SCML4: variants seen among roughly 807,000 people sequenced by gnomAD.
The protein encoded by SCML4 is Scm polycomb group protein like 4.
SCML4 carries 34 observed loss-of-function variants against 41.1 expected under a neutral mutation model. That is an observed-to-expected ratio of 0.83 (90% CI 0.63 to 1.10). SCML4 has a LOEUF of 1.10. SCML4 is among the 50% of genes least tolerant of loss of function. The probability of loss-of-function intolerance (pLI) is 0.00; values close to 1 mark genes in which losing one functional copy is unlikely to be tolerated. For synonymous variants in SCML4, 214 were observed against 220.9 expected, an observed-to-expected ratio of 0.97 and a Z score of 0.28; for missense variants, 522 against 534.1, an observed-to-expected ratio of 0.98 and a Z score of 0.22.
At chr6:107,770,372 G>A (rs1780421549) in intron 2 of SCML4, among the ~76,000 whole-genome samples, 1 of 152,108 alleles carries the variant, frequency 6.6e-6, no homozygotes, top group Non-Finnish European at 1.5e-5. Context: ...TTTTTCTTAT[G>A]TCACCACGGA....
Position 107,704,513 on chromosome 6 carries a change from A to T in SCML4, c.*687T>A, listed in dbSNP as rs1773422375. On this transcript the variant is annotated 3_prime_UTR_variant, in exon 8 of 8. Transcript: ENST00000369020. ...TTTCTGTGTGGGCTAGATCTTGTTC[A>T]CAGACACCCTAACCCATCCACTCAG... 6.6e-6 allele frequency: 1 copy of T among 152,312 alleles called. No individual in the cohort carries two copies. Among genetic ancestry groups the T allele is most frequent in the South Asian group, 2.1e-4 (1 of 4,838 alleles). The allele number at this position is 152,312 out of a possible 1,614,324, so 9.4% of individuals were successfully genotyped here.
chr6:107,762,299 A>G (rs74508676), intron 2 of SCML4, among the ~76,000 whole-genome samples: 24,235 of 152,134 alleles, frequency 0.16, 2,129 homozygotes, highest in Middle Eastern at 0.21. Context: ...AATAACTCAA[A>G]AGGAAGGCAG....
intron 1 of SCML4, among the ~76,000 whole-genome samples, chr6:107,802,836 C>T (rs1783314846): frequency 6.6e-6 from 1 of 151,840 alleles, no homozygotes; most frequent in South Asian, 2.1e-4. Context: ...CTCACTGCAA[C>T]CTCCCTGCCT....
At chr6:107,839,324 A>T in the SCML4 span, among the ~76,000 whole-genome samples, 2 of 58,580 alleles carry the variant, frequency 3.4e-5, no homozygotes. Context: ...GAGAGGAAAG[A>T]AAGAAAGAGA....
chr6:107,771,433 CCTCT>C (rs896877313), intron 2 of SCML4, among the ~76,000 whole-genome samples: 1 of 152,052 alleles, frequency 6.6e-6, no homozygotes, highest in Admixed American at 6.5e-5. Flanking sequence ...ACATTTTTTT[CCTCT>C]CTAATAGCCT....
intron 1 of SCML4, among the ~76,000 whole-genome samples, chr6:107,808,823 T>C (rs1783940513): frequency 6.6e-6 from 1 of 152,230 alleles, no homozygotes; most frequent in Non-Finnish European, 1.5e-5. Flanking sequence ...AAGAATATTT[T>C]AATAATTAAG....
At chr6:107,807,806 C>T (rs1391077012) in intron 1 of SCML4, among the ~76,000 whole-genome samples, 1 of 152,218 alleles carries the variant, frequency 6.6e-6, no homozygotes, top group Non-Finnish European at 1.5e-5. Flanking sequence ...CATTCCTGTT[C>T]TTGTACGGAA....
chr6:107,801,837 T>C (rs1052053529), intron 1 of SCML4, among the ~76,000 whole-genome samples: 2 of 151,944 alleles, frequency 1.3e-5, no homozygotes, highest in Non-Finnish European at 2.9e-5. Flanking sequence ...GGATCTCGGC[T>C]CACCACAACC....
intron 1 of SCML4, among the ~76,000 whole-genome samples, chr6:107,821,561 A>G (rs1051078380): frequency 2.0e-5 from 3 of 152,178 alleles, no homozygotes; most frequent in Non-Finnish European, 4.4e-5. Flanking sequence ...GTCTTTTCTC[A>G]TCTCCTTTCC....
At chr6:107,721,815 G>A (rs987873667) in intron 5 of SCML4, among the ~76,000 whole-genome samples, 3 of 152,036 alleles carry the variant, frequency 2.0e-5, no homozygotes, top group Non-Finnish European at 4.4e-5. Flanking sequence ...CCTCCGCCAC[G>A]GCTAACAAGC....
intron 3 of SCML4, among the ~76,000 whole-genome samples, chr6:107,747,468 T>C (rs1778241415): frequency 6.6e-6 from 1 of 152,092 alleles, no homozygotes; most frequent in African/African-American, 2.4e-5. Flanking sequence ...ACAGACCCCA[T>C]TGATAAAAAA....
intron 1 of SCML4, among the ~76,000 whole-genome samples, chr6:107,795,062 A>G (rs183034092): frequency 1.1e-4 from 16 of 152,320 alleles, no homozygotes; most frequent in African/African-American, 3.8e-4. Context: ...CCATTTCCAA[A>G]TAAGTTCACC....
upstream of SCML4, among the ~76,000 whole-genome samples, chr6:107,828,722 G>A (rs1476621160): frequency 6.6e-6 from 1 of 152,100 alleles, no homozygotes; most frequent in African/African-American, 2.4e-5. Flanking sequence ...AAAGCATAAG[G>A]CTTATGATTA....
At position 107,772,307 on chromosome 6, in the gene SCML4, C is replaced by T. The variant is rs746306968; in HGVS notation, c.21G>A (p.Pro7=). Residue 7 remains proline, a synonymous_variant, in exon 2 of 8, where the codon CCG becomes CCA. Coordinates refer to ENST00000369020, the MANE Select transcript of SCML4 (RefSeq NM_198081.5). MQSQRI[P]GRKRGRPSLH... ...GTGAGGGTCGGCCTCGCTTTCTCCC[C>T]GGGATCCTTTGAGACTGCATTTCTG... 186 of 1,551,132 alleles carry T rather than the reference C, an allele frequency of 1.2e-4. No homozygotes were observed. Among genetic ancestry groups the T allele is most frequent in the Non-Finnish European group, 1.5e-4 (171 of 1,146,732 alleles).
At chr6:107,709,351 A>G (rs1625630) in intron 6 of SCML4, among the ~76,000 whole-genome samples, 115,586 of 152,182 alleles carry the variant, frequency 0.76, 44,121 homozygotes, top group Admixed American at 0.81. Context: ...GTAGCTCATC[A>G]TGTGTGAAAT....
At chr6:107,719,158 A>G (rs1775118180) in intron 6 of SCML4, 1 of 152,258 alleles carries the variant, frequency 6.6e-6, no homozygotes, top group Non-Finnish European at 1.5e-5. Flanking sequence ...TGCTCACTTA[A>G]TCTGCCTGGC....
chr6:107,827,507 A>G (rs1415939604), upstream of SCML4, among the ~76,000 whole-genome samples: 1 of 152,130 alleles, frequency 6.6e-6, no homozygotes, highest in Non-Finnish European at 1.5e-5. Context: ...TAATTCCAAG[A>G]AAAATTTAAG....
chr6:107,819,832 A>G (rs1310333022), intron 1 of SCML4, among the ~76,000 whole-genome samples: 1 of 152,226 alleles, frequency 6.6e-6, no homozygotes, highest in African/African-American at 2.4e-5. Context: ...GGAAATATGC[A>G]ATGTGGATAT....
chr6:107,725,256 G>C (rs1359250264), intron 5 of SCML4, among the ~76,000 whole-genome samples: 1 of 152,076 alleles, frequency 6.6e-6, no homozygotes, highest in Non-Finnish European at 1.5e-5. Flanking sequence ...ACACTGATTT[G>C]ATCTTTACAA....
Sources: allele counts gnomAD v4.1 joint callset (sites outside exome capture counted in the v4.1 genomes callset), GRCh38; gene constraint gnomAD v4.1.1; transcripts MANE v1.5; gene names NCBI Gene and HGNC (gene_info 2026-07-23, HGNC 2026-07-21).